RXRG: variants seen among roughly 807,000 people sequenced by gnomAD.
The protein encoded by RXRG is retinoid X receptor gamma.
A neutral mutation model predicts 49.2 loss-of-function variants in RXRG; 19 were observed. The ratio of observed to expected loss-of-function variants is 0.39; its 90% confidence interval spans 0.27 to 0.57. RXRG has a LOEUF of 0.57. RXRG is among the 20% of genes least tolerant of loss of function. The pLI is 0.64. For synonymous variants in RXRG, 224 were observed against 216.6 expected (o/e 1.03, Z -0.30); for missense variants, 452 against 592.5 (o/e 0.76, Z 2.46).
intron 8 of RXRG, among the ~76,000 whole-genome samples, chr1:165,407,842 A>G (rs1420325459): frequency 8.6e-6 from 1 of 115,880 alleles, no homozygotes; most frequent in African/African-American, 2.8e-5. Flanking sequence ...ATTGTTCAGG[A>G]AAACAAAACT....
At chr1:165,407,453 G>T (rs1447053145) in intron 8 of RXRG, among the ~76,000 whole-genome samples, 3 of 152,192 alleles carry the variant, frequency 2.0e-5, no homozygotes, top group Non-Finnish European at 2.9e-5. Context: ...CCACCCTTCT[G>T]ATTCTGTCCC....
intron 2 of RXRG, among the ~76,000 whole-genome samples, chr1:165,426,839 G>C (rs1359958655): frequency 4.6e-5 from 7 of 152,138 alleles, no homozygotes; most frequent in Non-Finnish European, 4.4e-5. Flanking sequence ...CAGTGAGCTG[G>C]AGACCCAAAA....
intron 1 of RXRG, among the ~76,000 whole-genome samples, chr1:165,441,007 T>G (rs573959650): frequency 6.6e-6 from 1 of 152,340 alleles, no homozygotes; most frequent in Non-Finnish European, 1.5e-5. Flanking sequence ...CCATGATAGG[T>G]TCCAATTAGC....
At chr1:165,440,937 G>C (rs1571292376) in intron 1 of RXRG, among the ~76,000 whole-genome samples, 1 of 152,212 alleles carries the variant, frequency 6.6e-6, no homozygotes, top group Non-Finnish European at 1.5e-5. Context: ...TACGAAATAT[G>C]TTCCTTCCTA....
At chr1:165,408,340 G>A in intron 7 of RXRG, 22 bp from the exon 8 acceptor site, 1 of 1,560,812 alleles carries the variant, frequency 6.4e-7, no homozygotes, top group Non-Finnish European at 8.8e-7. Context: ...AAACAAGCAG[G>A]TAATGAGAAA....
At chr1:165,437,164 T>C (rs1305023397) in intron 1 of RXRG, 1 of 1,367,658 alleles carries the variant, frequency 7.3e-7, no homozygotes, top group Non-Finnish European at 9.8e-7. Flanking sequence ...GCCCTAGCGA[T>C]GTGGAGAGCA....
intron 7 of RXRG, among the ~76,000 whole-genome samples, chr1:165,408,856 C>G (rs536511232): frequency 6.6e-6 from 1 of 152,122 alleles, no homozygotes; most frequent in South Asian, 2.1e-4. Flanking sequence ...AGACCATTTA[C>G]GATGGAGGTA....
Position 165,410,498 on chromosome 1 carries a change from C to T in RXRG, c.913+204G>A, listed in dbSNP as rs180853811. ...TTAAAATTTATGCAAATTATAAAGC[C>T]GTGGTAAAATTTGCATGGGAAAAGA... On this transcript the variant is annotated intron_variant, in intron 6 of 9. Coordinates refer to ENST00000359842, the MANE Select transcript of RXRG (RefSeq NM_006917.5). 7.5e-3 allele frequency among the ~76,000 whole-genome samples: 1,143 copies of T among 152,142 alleles called. 5 individuals are homozygous for T. The highest frequency in any genetic ancestry group is 0.017 in the Middle Eastern group (5 of 294).
chr1:165,420,841 A>G (rs1303188664), intron 2 of RXRG, among the ~76,000 whole-genome samples: 1 of 152,230 alleles, frequency 6.6e-6, no homozygotes, highest in African/African-American at 2.4e-5. Flanking sequence ...GTACAATGTC[A>G]TCAAGGAGTC....
chr1:165,407,014 C>A (rs938849991), intron 8 of RXRG, 97 bp from the exon 9 acceptor site: 3 of 792,568 alleles, frequency 3.8e-6, no homozygotes, highest in Non-Finnish European at 6.3e-6. Flanking sequence ...ACTAGAGACA[C>A]CCTGGATGGG....
Position 165,434,271 on chromosome 1 carries a change from C to CGTGTGTGTGTGTGT in RXRG, c.50-5306_50-5305insACACACACACACAC, listed in dbSNP as rs1491363219. Among the ~76,000 whole-genome samples the CGTGTGTGTGTGTGT allele has an allele frequency of 2.1e-4, 25 of 120,782 alleles. 1 individual carries two copies. The highest frequency in any genetic ancestry group is 9.8e-4 in the African/African-American group (25 of 25,458). The allele number at this position is 120,782 out of a possible 152,430, so 79.2% of individuals were successfully genotyped here. A position where few individuals can be genotyped will look rare whatever the true frequency, so the allele number is the denominator to read the frequency against. On this transcript the variant is annotated intron_variant, in intron 1 of 9. Coordinates refer to ENST00000359842, the MANE Select transcript of RXRG (RefSeq NM_006917.5). ...ACCACAATCTCTAAACAATGAATTGCATGTGTGTATGTGTGTGTGTGTGTG... is the reference window on the plus strand; with the variant it reads ...ACCACAATCTCTAAACAATGAATTGCGTGTGTGTGTGTGTATGTGTGTATGTGTGTGTGTGTGTG...
intron 1 of RXRG, among the ~76,000 whole-genome samples, chr1:165,434,226 T>C (rs1658760093): frequency 6.6e-6 from 1 of 151,990 alleles, no homozygotes; most frequent in Non-Finnish European, 1.5e-5. Context: ...AAGAAAGCAA[T>C]GTTCCTGATG....
chr1:165,420,085 G>C, intron 2 of RXRG, 71 bp from the exon 3 acceptor site: 2 of 1,249,784 alleles, frequency 1.6e-6, no homozygotes, highest in Non-Finnish European at 2.1e-6. Context: ...AAGGCAATGA[G>C]GGCTTACTCA....
chr1:165,406,502 G>T (rs1657754959), intron 9 of RXRG, among the ~76,000 whole-genome samples: 1 of 152,210 alleles, frequency 6.6e-6, no homozygotes. Flanking sequence ...CTGAGGTTCT[G>T]TTTCTTGATA....
At chr1:165,412,474 T>C (rs2101713173) in intron 4 of RXRG, among the ~76,000 whole-genome samples, 1 of 152,294 alleles carries the variant, frequency 6.6e-6, no homozygotes, top group Middle Eastern at 3.4e-3. Context: ...AAGAAAACTT[T>C]TTCACATATA....
intron 1 of RXRG, among the ~76,000 whole-genome samples, chr1:165,435,594 A>G (rs939312685): frequency 6.6e-6 from 1 of 152,178 alleles, no homozygotes; most frequent in Non-Finnish European, 1.5e-5. Context: ...TGTAAGAACA[A>G]CTAAGATACT....
chr1:165,440,527 A>G (rs1197717903), intron 1 of RXRG, among the ~76,000 whole-genome samples: 1 of 152,218 alleles, frequency 6.6e-6, no homozygotes, highest in African/African-American at 2.4e-5. Flanking sequence ...TCATTTTGGC[A>G]TTCAAAAAGT....
intron 3 of RXRG, among the ~76,000 whole-genome samples, chr1:165,418,227 G>A (rs283691): frequency 0.42 from 63,909 of 151,598 alleles, 14,184 homozygotes; most frequent in African/African-American, 0.55. Context: ...ATTACCCCAG[G>A]CAGGGGTGGC....
At chr1:165,418,135 A>G (rs963272756) in intron 3 of RXRG, among the ~76,000 whole-genome samples, 14 of 143,192 alleles carry the variant, frequency 9.8e-5, no homozygotes, top group Non-Finnish European at 1.5e-4. Flanking sequence ...AAAAAAAAAA[A>G]AAGAAGGTGA....
Sources: gnomAD v4.1 joint callset for allele counts (sites outside exome capture counted in the v4.1 genomes callset) on GRCh38, gnomAD v4.1.1 for gene constraint, MANE v1.5 for transcripts, NCBI Gene and HGNC (gene_info 2026-07-23, HGNC 2026-07-21) for gene names.